The following UNC13B variants were observed in gnomAD, a reference collection of about 807,000 sequenced individuals.
UNC13B encodes protein unc-13 homolog B.
Under a neutral mutation model 211.0 loss-of-function variants are expected in UNC13B, and 144 were observed. The observed-to-expected ratio is 0.68, with a 90% CI of 0.60 to 0.78. The LOEUF is 0.78. Among genes scored for constraint, UNC13B ranks in the 30% least tolerant of loss-of-function variants. UNC13B has a pLI of 0.00. For synonymous variants in UNC13B, 709 were observed against 725.8 expected (o/e 0.98, Z 0.37); for missense variants, 1,777 against 2,002.0 (o/e 0.89, Z 2.14).
intron 1 of UNC13B, among the ~76,000 whole-genome samples, chr9:35,205,625 T>A (rs1268143509): frequency 6.6e-6 from 1 of 152,228 alleles, no homozygotes; most frequent in Non-Finnish European, 1.5e-5. Context: ...ATTCTGGACA[T>A]TTTATGTGAA....
In UNC13B at chr9:35,302,922, C is replaced by T. The variant is rs916839590; in HGVS notation, c.3518C>T (p.Ser1173Phe). The T allele has an allele frequency of 8.0e-5, 32 of 398,522 alleles. No homozygotes were observed. Among genetic ancestry groups the T allele is most frequent in the African/African-American group, 5.4e-4 (26 of 48,586 alleles). The allele number at this position is 398,522 out of a possible 1,614,324, so 24.7% of individuals were successfully genotyped here. ...SQELNLKNDD[S>F]HHKNNTPGLI... ...GAATTAAATTTGAAAAATGATGACT[C>T]CCATCACAAGAATAATACCCCAGGT... Residue 1173 changes from serine (S) to phenylalanine (F), a missense_variant, in exon 9 of 40, where the codon TCC becomes TTC. Ser to Phe is a radical substitution (Grantham distance 155, BLOSUM62 -2). Coordinates refer to ENST00000635942, the MANE Select transcript of UNC13B (RefSeq NM_001371189.2).
chr9:35,385,635 A>G (rs561259206), intron 22 of UNC13B, 89 bp from the exon 23 acceptor site: 4 of 1,480,984 alleles, frequency 2.7e-6, no homozygotes, highest in East Asian at 2.4e-5. Flanking sequence ...GTAGGTAACA[A>G]TTAGGGAAGC....
Position 35,244,290 on chromosome 9 carries a change from T to G in UNC13B, c.468+926T>G, listed in dbSNP as rs760172342. Among the ~76,000 whole-genome samples, 35 of 152,134 alleles carry G rather than the reference T, an allele frequency of 2.3e-4. 1 individual carries two copies. Among genetic ancestry groups the G allele is most frequent in the Non-Finnish European group, 4.0e-4 (27 of 68,026 alleles). On this transcript the variant is annotated intron_variant, in intron 6 of 39. Coordinates refer to ENST00000635942, the MANE Select transcript of UNC13B (RefSeq NM_001371189.2). ...TGACAGTATCACATGTTAAATCAAGTGAATTATGAAATAGAGCTATTGGAT... is the reference window on the plus strand; with the variant it reads ...TGACAGTATCACATGTTAAATCAAGGGAATTATGAAATAGAGCTATTGGAT...
At chr9:35,212,169 T>G (rs1363462807) in intron 1 of UNC13B, among the ~76,000 whole-genome samples, 3 of 152,222 alleles carry the variant, frequency 2.0e-5, no homozygotes, top group Non-Finnish European at 2.9e-5. Context: ...AGTTAGACCC[T>G]AAGGTAATCA....
chr9:35,291,467 A>G (rs1366321560), intron 7 of UNC13B, among the ~76,000 whole-genome samples: 1 of 152,194 alleles, frequency 6.6e-6, no homozygotes, highest in African/African-American at 2.4e-5. Context: ...GGTTCATTCT[A>G]GGATGAACTA....
Position 35,239,607 on chromosome 9 carries a change from C to T in UNC13B, c.394+1781C>T, listed in dbSNP as rs907194093. On this transcript the variant is annotated intron_variant, in intron 5 of 39. Transcript: ENST00000635942. ...ACTGGTCTGACCAAAATTTATTAGG[C>T]AGGAATTTCCTTGTCCTAATAAGCC... Among the ~76,000 whole-genome samples, 24 of 152,224 alleles carry T rather than the reference C, an allele frequency of 1.6e-4. No individual in the cohort carries two copies. In the East Asian group the frequency reaches 4.4e-3, roughly 28 times the overall value.
At chr9:35,233,440 G>A (rs1310028372) in intron 3 of UNC13B, among the ~76,000 whole-genome samples, 1 of 151,974 alleles carries the variant, frequency 6.6e-6, no homozygotes, top group East Asian at 1.9e-4. Flanking sequence ...TTTTACACGT[G>A]GGTTTTATTA....
Position 35,389,870 on chromosome 9 carries a change from C to T in UNC13B, c.11119C>T (p.Gln3707Ter). 1.9e-6 allele frequency: 3 copies of T among 1,614,152 alleles called. No homozygotes were observed. Among genetic ancestry groups the T allele is most frequent in the Non-Finnish European group, 2.5e-6 (3 of 1,180,004 alleles). Residue 3707 changes from glutamine to a stop codon, truncating the protein, a stop_gained, in exon 25 of 40, where the codon CAA (glutamine) becomes TAA (stop). Coordinates refer to ENST00000635942, the MANE Select transcript of UNC13B (RefSeq NM_001371189.2). LOFTEE classifies it high-confidence loss of function. ...GAAGCAGGAGCTACCTCCAGAGGAA[C>T]AAGGGCCCAGCATTCGGAACCTGGA... ...QLKQELPPEEQGPSIRNLDFW... is the reference protein window; with the variant it reads ...QLKQELPPEE
At position 35,285,838 on chromosome 9, in the gene UNC13B, A is replaced by C. The variant is rs371711070; in HGVS notation, c.527-9858A>C. 7.5e-4 allele frequency among the ~76,000 whole-genome samples: 115 copies of C among 152,328 alleles called. 1 individual carries two copies. The South Asian group carries it at 0.019, about 25-fold the overall frequency. ...TCAAGGAAAGCACAAAAGGAAGGAG[A>C]TTTCAGCAGAATTAACTACTAAGTT... On this transcript the variant is annotated intron_variant, in intron 7 of 39. Transcript: ENST00000635942.
In UNC13B at chr9:35,192,603, G is replaced by T. The variant is rs540563553; in HGVS notation, c.22+30298G>T. Among the ~76,000 whole-genome samples the T allele has an allele frequency of 5.3e-5, 8 of 152,314 alleles. No homozygotes were observed. The East Asian group carries it at 9.7e-4, about 18-fold the overall frequency. On this transcript the variant is annotated intron_variant, in intron 1 of 39. Coordinates refer to ENST00000635942, the MANE Select transcript of UNC13B (RefSeq NM_001371189.2). ...ACTTGAGGGGCCCCTGAATAAGGGG[G>T]ATCCTTAGATTGTTCCCCTGGAAGT... is the stretch of plus-strand genomic sequence containing the variant.
At chr9:35,217,905 G>A (rs1382904445) in intron 1 of UNC13B, among the ~76,000 whole-genome samples, 2 of 152,030 alleles carry the variant, frequency 1.3e-5, no homozygotes, top group Non-Finnish European at 2.9e-5. Flanking sequence ...TTAGCCAGGC[G>A]TGGTGGCAGG....
chr9:35,247,062 C>A (rs1826144818), intron 6 of UNC13B, among the ~76,000 whole-genome samples: 1 of 152,038 alleles, frequency 6.6e-6, no homozygotes, highest in African/African-American at 2.4e-5. Flanking sequence ...TTGAAGAGGT[C>A]CTTCACATCC....
Position 35,396,607 on chromosome 9 carries a change from G to A in UNC13B, c.11435+5G>A, listed in dbSNP as rs750493055. 2 of 1,613,866 alleles carry A rather than the reference G, an allele frequency of 1.2e-6. No homozygotes were observed. Among genetic ancestry groups the A allele is most frequent in the Non-Finnish European group, 1.7e-6 (2 of 1,179,996 alleles). On this transcript the variant is annotated splice_donor_5th_base_variant and intron_variant, in intron 27 of 39. Transcript: ENST00000635942. ...GCAGGTGCCTGAGTACCCAGCGTGA[G>A]TCATCATGTGGGCACTACAGAGGGA...
In UNC13B at chr9:35,397,172, G is replaced by A. The variant is rs1488671746; in HGVS notation, c.11538G>A (p.Gln3846=). Residue 3846 remains glutamine (Q), a synonymous_variant, in exon 29 of 40, where the codon CAG becomes CAA. Transcript: ENST00000635942. ...CTGTGTGTGGTCTTCCTTAGTTCCA[G>A]CAGACATCAGAGCATGCACTCTTTT... ...ALERDKKDGF[Q]QTSEHALFSC... 1 of 1,614,108 alleles carries A rather than the reference G, an allele frequency of 6.2e-7. No individual in the cohort carries two copies. The highest frequency in any genetic ancestry group is 1.7e-5 in the Admixed American group (1 of 60,034).
chr9:35,214,862 A>G (rs1411466298), intron 1 of UNC13B, among the ~76,000 whole-genome samples: 2 of 152,242 alleles, frequency 1.3e-5, no homozygotes, highest in Non-Finnish European at 2.9e-5. Context: ...TGAAAGTAAA[A>G]TAGACATTTC....
chr9:35,171,209 C>G (rs1044517337), intron 1 of UNC13B, among the ~76,000 whole-genome samples: 8 of 152,140 alleles, frequency 5.3e-5, no homozygotes, highest in African/African-American at 1.7e-4. Flanking sequence ...TCAAGAGATT[C>G]TCCTGCCTCA....
chr9:35,251,247 A>T (rs1826464620), intron 6 of UNC13B, among the ~76,000 whole-genome samples: 1 of 151,744 alleles, frequency 6.6e-6, no homozygotes, highest in African/African-American at 2.4e-5. Flanking sequence ...TACAGGCGTG[A>T]GTCACCGCGC....
chr9:35,297,559 T>TG lies in UNC13B; in HGVS notation c.761+1629_761+1630insG, dbSNP rs1338176745. On this transcript the variant is annotated intron_variant, in intron 8 of 39. Coordinates refer to ENST00000635942, the MANE Select transcript of UNC13B (RefSeq NM_001371189.2). ...GCACATACTTTGTCTTTTTTTTTTT[T>TG]TTTTTTTTGAGACGGAGTCTCGCTC... is the stretch of plus-strand genomic sequence containing the variant. Among the ~76,000 whole-genome samples the TG allele has an allele frequency of 6.9e-5, 10 of 145,202 alleles. 1 individual carries two copies. Among genetic ancestry groups the TG allele is most frequent in the African/African-American group, 2.4e-4 (9 of 37,858 alleles).
Position 35,306,927 on chromosome 9 carries a change from G to A in UNC13B, c.7523G>A (p.Gly2508Asp). 2.5e-6 allele frequency: 1 copy of A among 398,894 alleles called. No homozygotes were observed. Among genetic ancestry groups the A allele is most frequent in the Non-Finnish European group, 4.4e-6 (1 of 226,038 alleles). The allele number at this position is 398,894 out of a possible 1,614,324, so 24.7% of individuals were successfully genotyped here. The change falls in exon 9 of 40, where the codon GGT becomes GAT. Residue 2508 changes from glycine (G) to aspartate (D), a missense_variant. Coordinates refer to ENST00000635942, the MANE Select transcript of UNC13B (RefSeq NM_001371189.2). The stretch of plus-strand genomic sequence containing the variant: ...GATGTATCATCTCAGCCCCTCAAAG[G>A]TGAATTATTTGGAATTTTCAAAAGT... ...ASDVSSQPLKGELFGIFKSPK... is the reference protein window; with the variant it reads ...ASDVSSQPLKDELFGIFKSPK...
Sources: gnomAD v4.1 joint callset for allele counts (sites outside exome capture counted in the v4.1 genomes callset) on GRCh38, gnomAD v4.1.1 for gene constraint, MANE v1.5 for transcripts, NCBI Gene and HGNC (gene_info 2026-07-23, HGNC 2026-07-21) for gene names.